The following PCDHGB1 variants were observed in gnomAD, a reference collection of about 807,000 sequenced individuals.
The protein encoded by PCDHGB1 is protocadherin gamma subfamily B, 1, also known as protocadherin gamma-B1.
Under a neutral mutation model 56.6 loss-of-function variants are expected in PCDHGB1, and 34 were observed. The observed-to-expected ratio is 0.60, with a 90% CI of 0.46 to 0.80. PCDHGB1 has a LOEUF of 0.80. Ranked by LOEUF, PCDHGB1 falls within the 30% of genes least tolerant of loss-of-function variation. The probability of loss-of-function intolerance (pLI) is 0.00; values close to 1 mark genes in which losing one functional copy is unlikely to be tolerated. For missense variants in PCDHGB1, 1,278 were observed against 1,204.6 expected (o/e 1.06, Z -0.90); for synonymous variants, 561 against 505.9 (o/e 1.11, Z -1.46).
chr5:141,444,588 A>G (rs1486905298), intron 1 of PCDHGB1, among the ~76,000 whole-genome samples: 1 of 152,138 alleles, frequency 6.6e-6, no homozygotes, highest in Non-Finnish European at 1.5e-5. Flanking sequence ...CTTTCTACTT[A>G]CCTTATTTAA....
At chr5:141,359,942 T>C (rs1471102697) in intron 1 of PCDHGB1, 6 of 497,370 alleles carry the variant, frequency 1.2e-5, no homozygotes, top group Non-Finnish European at 2.0e-5. Flanking sequence ...AGCGTCGCTG[T>C]TGGTCAAAAG....
rs574905149 is a variant in PCDHGB1 at position 141,400,501 on chromosome 5, G to C, written c.2409+47832G>C. 1 of 1,613,878 alleles carries C rather than the reference G, an allele frequency of 6.2e-7. No homozygotes were observed. The highest frequency in any genetic ancestry group is 1.7e-5 in the Admixed American group (1 of 60,012). On this transcript the variant is annotated intron_variant, in intron 1 of 3. Transcript: ENST00000523390. ...CTTATTTCCACTTTGTAATTCCAGC[G>C]AGTCGACTTCCCATCCTGAGTTGGT...
intron 1 of PCDHGB1, chr5:141,385,530 A>T (rs1020257746): frequency 2.5e-4 from 336 of 1,356,078 alleles, no homozygotes; most frequent in Non-Finnish European, 2.9e-4. Flanking sequence ...GGACAAGATT[A>T]TGAATATGTG....
chr5:141,372,523 C>G, intron 1 of PCDHGB1: 1 of 1,614,018 alleles, frequency 6.2e-7, no homozygotes, highest in Non-Finnish European at 8.5e-7. Flanking sequence ...GTGATTCTGG[C>G]AATCTCCCTG....
At chr5:141,374,172 A>G (rs1770228418) in intron 1 of PCDHGB1, 1 of 1,613,330 alleles carries the variant, frequency 6.2e-7, no homozygotes, top group Non-Finnish European at 8.5e-7. Context: ...GCGGCAGCGC[A>G]GATCCGCTAC....
chr5:141,389,360 T>C (rs1245411453), intron 1 of PCDHGB1: 4 of 1,613,742 alleles, frequency 2.5e-6, no homozygotes, highest in South Asian at 1.1e-5. Flanking sequence ...TCATGGCCAG[T>C]GACCTGGAGC....
rs1292480498 is a variant in PCDHGB1, at chr5:141,350,754, A to C, written c.494A>C (p.Lys165Thr). ...QDADVEGNSLKLYTINPNQYF... is the reference protein window; with the variant it reads ...QDADVEGNSLTLYTINPNQYF... ...GCAGATGTGGAAGGCAATTCACTGA[A>C]GTTATACACCATCAACCCCAATCAA... is the stretch of plus-strand genomic sequence containing the variant. The change falls in exon 1 of 4, where the codon AAG becomes ACG. Residue 165 changes from lysine to threonine, a missense_variant. Transcript: ENST00000523390. 2.5e-6 allele frequency: 4 copies of C among 1,613,822 alleles called. No homozygotes were observed. Among genetic ancestry groups the C allele is most frequent in the East Asian group, 4.5e-5 (2 of 44,900 alleles).
intron 1 of PCDHGB1, among the ~76,000 whole-genome samples, chr5:141,470,451 T>C (rs2099230860): frequency 6.6e-6 from 1 of 152,210 alleles, no homozygotes; most frequent in Non-Finnish European, 1.5e-5. Context: ...AATAGCATCT[T>C]GAATAGGATT....
chr5:141,414,210 T>G (rs1252033650), intron 1 of PCDHGB1: 1 of 1,612,706 alleles, frequency 6.2e-7, no homozygotes, highest in Admixed American at 1.7e-5. Context: ...AAGATGTAAA[T>G]GACAACAGTC....
At chr5:141,362,052 C>T (rs1344893342) in intron 1 of PCDHGB1, 1 of 1,611,434 alleles carries the variant, frequency 6.2e-7, no homozygotes, top group African/African-American at 1.3e-5. Context: ...ACGCGGCCCG[C>T]CAGCGCCTGC....
intron 1 of PCDHGB1, chr5:141,355,806 C>G (rs1759989019): frequency 6.2e-7 from 1 of 1,613,258 alleles, no homozygotes; most frequent in East Asian, 2.2e-5. Flanking sequence ...CTCTAGATCG[C>G]GAGGAAGAGG....
chr5:141,477,260 G>A lies in PCDHGB1; in HGVS notation c.2410-17547G>A. On this transcript the variant is annotated intron_variant, in intron 1 of 3. Coordinates refer to ENST00000523390, the MANE Select transcript of PCDHGB1 (RefSeq NM_018922.3). This position sits in a 1 kb window ranked among gnomAD's most constrained non-coding sequence, Gnocchi z 4.9. ...GCTCAGTGTGACTGACCTGGATGCTGGCGAGAACGGGCTGGTGACCTGCGA... is the reference window on the plus strand; with the variant it reads ...GCTCAGTGTGACTGACCTGGATGCTAGCGAGAACGGGCTGGTGACCTGCGA... 6.2e-7 allele frequency: 1 copy of A among 1,614,200 alleles called. No homozygotes were observed. Among genetic ancestry groups the A allele is most frequent in the Non-Finnish European group, 8.5e-7 (1 of 1,180,048 alleles).
At chr5:141,392,693 C>T (rs1315405629) in intron 1 of PCDHGB1, 5 of 1,161,626 alleles carry the variant, frequency 4.3e-6, no homozygotes, top group Non-Finnish European at 5.8e-6. Context: ...GAAACCCGAC[C>T]CCTGTTTGGA....
intron 1 of PCDHGB1, chr5:141,365,734 T>C: frequency 4.3e-6 from 7 of 1,613,550 alleles, no homozygotes; most frequent in Non-Finnish European, 5.1e-6. Context: ...ATCCCAGAGG[T>C]GTCTCTATCT....
At chr5:141,430,786 C>G (rs992448490) in intron 1 of PCDHGB1, 1 of 1,513,352 alleles carries the variant, frequency 6.6e-7, no homozygotes, top group Non-Finnish European at 8.8e-7. Context: ...TGCACCGGGA[C>G]TACAAAGGGC....
intron 1 of PCDHGB1, chr5:141,419,137 CAG>C (rs1561778402): frequency 1.2e-6 from 2 of 1,613,892 alleles, no homozygotes; most frequent in South Asian, 1.1e-5. Context: ...CAGCCACAGA[CAG>C]GGGCAAGCCT....
chr5:141,496,225 G>C (rs112222482), intron 2 of PCDHGB1, among the ~76,000 whole-genome samples: 178 of 152,276 alleles, frequency 1.2e-3, no homozygotes, highest in Non-Finnish European at 1.8e-3. Context: ...TGCTGAGACA[G>C]GAACCCCCTG....
chr5:141,380,568 A>T (rs1449370426), intron 1 of PCDHGB1, among the ~76,000 whole-genome samples: 1 of 152,214 alleles, frequency 6.6e-6, no homozygotes, highest in Admixed American at 6.5e-5. Context: ...TTTATTAAAC[A>T]TATCTTGGCG....
At chr5:141,367,536 C>CG (rs1376897976) in intron 1 of PCDHGB1, 1 of 106,510 alleles carries the variant, frequency 9.4e-6, no homozygotes, top group Admixed American at 1.0e-4. Flanking sequence ...GACTCCGTCT[C>CG]AAAATAAATA....
Sources: allele counts gnomAD v4.1 joint callset (sites outside exome capture counted in the v4.1 genomes callset), GRCh38; gene constraint gnomAD v4.1.1; non-coding constraint Gnocchi (gnomAD v3.1); transcripts MANE v1.5; gene names NCBI Gene and HGNC (gene_info 2026-07-23, HGNC 2026-07-21).